The following PAN3 variants were observed in gnomAD, a reference collection of about 807,000 sequenced individuals.
The protein encoded by PAN3 is poly(A) specific ribonuclease subunit PAN3, also known as PAN2-PAN3 deadenylation complex subunit PAN3.
Under a neutral mutation model 96.2 loss-of-function variants are expected in PAN3, and 19 were observed. The observed-to-expected ratio is 0.20, with a 90% CI of 0.14 to 0.29. The LOEUF is 0.29. Among genes scored for constraint, PAN3 ranks in the 10% least tolerant of loss-of-function variants. The pLI is 1.00. For missense variants in PAN3, 882 were observed against 1,108.1 expected, an observed-to-expected ratio of 0.80 and a Z score of 2.90; for synonymous variants, 433 against 406.6, an observed-to-expected ratio of 1.06 and a Z score of -0.78.
At chr13:28,210,386 A>G (rs1224598385) in intron 5 of PAN3, among the ~76,000 whole-genome samples, 2 of 152,034 alleles carry the variant, frequency 1.3e-5, no homozygotes, top group African/African-American at 2.4e-5. Flanking sequence ...AGTTATAAAT[A>G]GGAGAACTTT....
chr13:28,175,825 T>G (rs775477824), intron 2 of PAN3, among the ~76,000 whole-genome samples: 1 of 152,212 alleles, frequency 6.6e-6, no homozygotes, highest in Non-Finnish European at 1.5e-5. Flanking sequence ...GGAGCTTAGC[T>G]TTTTTCTTCT....
At chr13:28,237,139 A>T (rs1244137693) in intron 6 of PAN3, among the ~76,000 whole-genome samples, 1 of 152,176 alleles carries the variant, frequency 6.6e-6, no homozygotes, top group Non-Finnish European at 1.5e-5. Flanking sequence ...CAGTGAAAAC[A>T]TTAGATTGGG....
In PAN3 at chr13:28,138,774, G is replaced by T; in HGVS notation, c.117G>T (p.Gly39=). The part of the protein sequence containing the change: ...APPGVGGVPG[G]AAVGVKLKYC... ...CGGGGGTCGGGGGTGTCCCCGGCGGGGCGGCGGTAGGAGTGAAGCTGAAGT... is the reference window on the plus strand; with the variant it reads ...CGGGGGTCGGGGGTGTCCCCGGCGGTGCGGCGGTAGGAGTGAAGCTGAAGT... The change falls in exon 1 of 19, where the codon GGG becomes GGT. Residue 39 remains glycine, a synonymous_variant. Transcript: ENST00000380958. 1 of 1,373,762 alleles carries T rather than the reference G, an allele frequency of 7.3e-7. No homozygotes were observed. Among genetic ancestry groups the T allele is most frequent in the Admixed American group, 3.6e-5 (1 of 28,040 alleles). 85.1% of individuals were successfully genotyped at this position (1,373,762 alleles called of 1,614,324 possible). A position where few individuals can be genotyped will look rare whatever the true frequency, so the allele number is the denominator to read the frequency against.
At chr13:28,251,170 TAC>T (rs1884690835) in intron 6 of PAN3, among the ~76,000 whole-genome samples, 1 of 152,212 alleles carries the variant, frequency 6.6e-6, no homozygotes, top group Admixed American at 6.5e-5. Context: ...GTTTTAGAAT[TAC>T]AGACACCTTA....
At chr13:28,262,993 C>G (rs1257488540) in intron 9 of PAN3, among the ~76,000 whole-genome samples, 2 of 152,168 alleles carry the variant, frequency 1.3e-5, no homozygotes, top group African/African-American at 4.8e-5. Flanking sequence ...TTTTTCTGAA[C>G]TGACATGTAG....
intron 18 of PAN3, 112 bp from the exon 19 acceptor site, chr13:28,292,269 GA>G: frequency 8.9e-7 from 1 of 1,117,646 alleles, no homozygotes. Context: ...ATGGATATCT[GA>G]AAGGGAATGT....
chr13:28,190,961 A>G (rs1593440815), intron 4 of PAN3, among the ~76,000 whole-genome samples: 1 of 152,202 alleles, frequency 6.6e-6, no homozygotes, highest in Non-Finnish European at 1.5e-5. Flanking sequence ...GCATTTTCAA[A>G]TGCTTTTATT....
At chr13:28,224,917 A>G (rs1025850741) in intron 6 of PAN3, among the ~76,000 whole-genome samples, 1 of 152,214 alleles carries the variant, frequency 6.6e-6, no homozygotes, top group African/African-American at 2.4e-5. Flanking sequence ...CACCTCACTC[A>G]GCCTTTGTTG....
intron 1 of PAN3, among the ~76,000 whole-genome samples, chr13:28,171,953 C>T (rs1874362719): frequency 1.3e-5 from 2 of 152,054 alleles, no homozygotes. Flanking sequence ...CCTGGAAATT[C>T]CGAGGGATTT....
At chr13:28,144,814 A>G (rs2137929098) in intron 1 of PAN3, among the ~76,000 whole-genome samples, 1 of 124,032 alleles carries the variant, frequency 8.1e-6, no homozygotes, top group East Asian at 2.8e-4. Context: ...TCTGCTGCCC[A>G]GGTTCAAGCG....
intron 4 of PAN3, among the ~76,000 whole-genome samples, chr13:28,190,696 C>T (rs1465519571): frequency 6.6e-6 from 1 of 152,122 alleles, no homozygotes; most frequent in Non-Finnish European, 1.5e-5. Flanking sequence ...TGAGAGGCCT[C>T]AGGAAACTTA....
At chr13:28,212,565 A>T (rs890001967) in intron 5 of PAN3, among the ~76,000 whole-genome samples, 2 of 152,066 alleles carry the variant, frequency 1.3e-5, no homozygotes, top group East Asian at 3.8e-4. Flanking sequence ...ATCAACAATA[A>T]TTATTATAAC....
intron 6 of PAN3, among the ~76,000 whole-genome samples, chr13:28,254,228 GATTAT>G (rs1180288070): frequency 6.6e-6 from 1 of 152,182 alleles, no homozygotes. Context: ...TTTGAGTCTT[GATTAT>G]GTTGCTGAAT....
At chr13:28,141,007 T>TTTTTTTTA (rs1566128436) in intron 1 of PAN3, among the ~76,000 whole-genome samples, 1 of 135,058 alleles carries the variant, frequency 7.4e-6, no homozygotes. Context: ...GAGACACTTT[T>TTTTTTTTA]TTTTTTTTTT....
rs934760960 is a variant in PAN3, at chr13:28,139,067, T to C, written c.410T>C (p.Leu137Pro). 1.5e-5 allele frequency: 19 copies of C among 1,270,026 alleles called. No individual in the cohort carries two copies. The highest frequency in any genetic ancestry group is 2.0e-6 in the Non-Finnish European group (2 of 1,009,396). The allele number at this position is 1,270,026 out of a possible 1,614,324, so 78.7% of individuals were successfully genotyped here. The change falls in exon 1 of 19, where the codon CTC (leucine) becomes CCC (proline). Residue 137 changes from leucine (L) to proline (P), a missense_variant. Physicochemically the swap from Leu to Pro is moderately conservative, Grantham distance 98. Around this residue, in one of 3 missense-constraint regions of PAN3, gnomAD observed 442 missense variants for 422.8 expected, o/e 1.05. Transcript: ENST00000380958. Reference protein sequence around the residue: ...AAGGGGSSGGLDGPRLAIPGM... With the variant: ...AAGGGGSSGGPDGPRLAIPGM... ...GGCGGAGGAGGCAGTAGCGGGGGAC[T>C]CGATGGACCGCGGCTGGCAAGTGAG... is the stretch of plus-strand genomic sequence containing the variant.
At chr13:28,144,099 T>A (rs1870234051) in intron 1 of PAN3, among the ~76,000 whole-genome samples, 1 of 151,804 alleles carries the variant, frequency 6.6e-6, no homozygotes, top group African/African-American at 2.4e-5. Flanking sequence ...CTGATTAAGG[T>A]GATAGGAACA....
chr13:28,199,557 C>T (rs1878453378), intron 5 of PAN3, among the ~76,000 whole-genome samples: 1 of 152,016 alleles, frequency 6.6e-6, no homozygotes, highest in Admixed American at 6.6e-5. Flanking sequence ...TTCACTTTAC[C>T]AGGCACATGT....
chr13:28,196,876 T>G (rs1878121671), intron 4 of PAN3, among the ~76,000 whole-genome samples: 1 of 152,226 alleles, frequency 6.6e-6, no homozygotes, highest in African/African-American at 2.4e-5. Context: ...AGCATTTTTC[T>G]TTGCTGATAA....
In PAN3 at chr13:28,266,949, A is replaced by G. The variant is rs547435998; in HGVS notation, c.1573+73A>G. On this transcript the variant is annotated intron_variant, in intron 10 of 18. Coordinates refer to ENST00000380958, the MANE Select transcript of PAN3 (RefSeq NM_175854.8). Reference sequence around the variant, plus strand: ...AGATTATTCAAACCTTCTTGAATATATTATTTAATATATGAATTAAAAATT... The same window carrying G: ...AGATTATTCAAACCTTCTTGAATATGTTATTTAATATATGAATTAAAAATT... 13 of 1,291,196 alleles carry G rather than the reference A, an allele frequency of 1.0e-5. 1 individual carries two copies. In the African/African-American group the frequency reaches 2.0e-4, roughly 19 times the overall value. 80.0% of individuals were successfully genotyped at this position (1,291,196 alleles called of 1,614,324 possible).
Sources: gnomAD v4.1 joint callset for allele counts (sites outside exome capture counted in the v4.1 genomes callset) on GRCh38, gnomAD v4.1.1 for gene constraint, gnomAD v4.1.1 regional missense constraint, MANE v1.5 for transcripts, NCBI Gene and HGNC (gene_info 2026-07-23, HGNC 2026-07-21) for gene names.